PCDHGB6: variants seen among roughly 807,000 people sequenced by gnomAD.
The protein encoded by PCDHGB6 is protocadherin gamma subfamily B, 6.
PCDHGB6 carries 51 observed loss-of-function variants against 59.1 expected under a neutral mutation model. The ratio of observed to expected loss-of-function variants is 0.86; its 90% CI spans 0.69 to 1.09. The LOEUF is 1.09. PCDHGB6 is among the 50% of genes least tolerant of loss of function. The probability of loss-of-function intolerance (pLI) is 0.00; values close to 1 mark genes in which losing one functional copy is unlikely to be tolerated. For missense variants in PCDHGB6, 1,148 were observed against 1,205.1 expected, an observed-to-expected ratio of 0.95 and a Z score of 0.70; for synonymous variants, 466 against 495.1, an observed-to-expected ratio of 0.94 and a Z score of 0.78.
Position 141,490,365 on chromosome 5 carries a change from A to G in PCDHGB6, c.2419-4442A>G. The G allele has an allele frequency of 6.2e-7, 1 of 1,614,170 alleles. No individual in the cohort carries two copies. The highest frequency in any genetic ancestry group is 8.5e-7 in the Non-Finnish European group (1 of 1,180,030). On this transcript the variant is annotated intron_variant, in intron 1 of 3. Coordinates refer to ENST00000520790, the MANE Select transcript of PCDHGB6 (RefSeq NM_018926.3). The surrounding 1 kb of genome is among the most constrained non-coding windows in gnomAD (Gnocchi z 5.4). ...CAGTAGTGGGGTTGTTTAATGTGCG[A>G]GACCGGGACTCAGGTAGAAATGGTG...
Position 141,487,373 on chromosome 5 carries a change from C to T in PCDHGB6, c.2419-7434C>T. 2 of 1,614,224 alleles carry T rather than the reference C, an allele frequency of 1.2e-6. No homozygotes were observed. Among genetic ancestry groups the T allele is most frequent in the Non-Finnish European group, 1.7e-6 (2 of 1,180,042 alleles). On this transcript the variant is annotated intron_variant, in intron 1 of 3. Transcript: ENST00000520790. This position sits in a 1 kb window ranked among gnomAD's most constrained non-coding sequence, Gnocchi z 5.0. ...CTTTCCTGCTGGCACCTGTGCCTGTCTCACCAGATCTCGAAGGAGGGAGGG... is the reference window on the plus strand; with the variant it reads ...CTTTCCTGCTGGCACCTGTGCCTGTTTCACCAGATCTCGAAGGAGGGAGGG...
rs1025985501 is a variant in PCDHGB6 at position 141,432,385 on chromosome 5, C to G, written c.2418+21765C>G. 2.5e-6 allele frequency: 4 copies of G among 1,614,138 alleles called. No homozygotes were observed. In the African/African-American group the frequency reaches 5.3e-5, roughly 22 times the overall value. Reference sequence around the variant, plus strand: ...CGCGGGACAACGGGCACCCGCCCCTCAGCAGCAACGTGTCGTTGAGCCTGT... The same window carrying G: ...CGCGGGACAACGGGCACCCGCCCCTGAGCAGCAACGTGTCGTTGAGCCTGT... On this transcript the variant is annotated intron_variant, in intron 1 of 3. Transcript: ENST00000520790. The surrounding 1 kb of genome is among the most constrained non-coding windows in gnomAD (Gnocchi z 6.0).
At chr5:141,451,049 C>T (rs538627151) in intron 1 of PCDHGB6, among the ~76,000 whole-genome samples, 1 of 151,422 alleles carries the variant, frequency 6.6e-6, no homozygotes, top group African/African-American at 2.4e-5. Context: ...AGGCTGGTCT[C>T]GAACTCCTGA....
intron 1 of PCDHGB6, chr5:141,478,874 A>G: frequency 1.6e-6 from 2 of 1,276,696 alleles, no homozygotes; most frequent in Non-Finnish European, 2.1e-6. Flanking sequence ...ATCAGAGTTT[A>G]GCTTGGTATC....
rs367731612 is a variant in PCDHGB6, at chr5:141,419,406, C to T, written c.2418+8786C>T. The T allele has an allele frequency of 6.5e-5, 105 of 1,613,522 alleles. 1 individual carries two copies. The South Asian group carries it at 1.0e-3, about 16-fold the overall frequency. Reference sequence around the variant, plus strand: ...AGCGCGCAGAGCGGGGTGGTGTTCGCGCAGCGCGCCTTCGACCACGAGCAG... The same window carrying T: ...AGCGCGCAGAGCGGGGTGGTGTTCGTGCAGCGCGCCTTCGACCACGAGCAG... On this transcript the variant is annotated intron_variant, in intron 1 of 3. Transcript: ENST00000520790.
chr5:141,462,781 G>A (rs893647456), intron 1 of PCDHGB6, among the ~76,000 whole-genome samples: 7 of 152,102 alleles, frequency 4.6e-5, no homozygotes, highest in African/African-American at 1.7e-4. Context: ...GTCATAATTT[G>A]TTGCTTATTT....
At chr5:141,466,621 T>A (rs911794654) in intron 1 of PCDHGB6, among the ~76,000 whole-genome samples, 1 of 152,208 alleles carries the variant, frequency 6.6e-6, no homozygotes, top group Non-Finnish European at 1.5e-5. Context: ...GCCGTTTTCT[T>A]TGGAGCATTG....
Position 141,418,795 on chromosome 5 carries a change from A to G in PCDHGB6, c.2418+8175A>G, listed in dbSNP as rs373690093. The G allele has an allele frequency of 6.8e-6, 11 of 1,613,740 alleles. No homozygotes were observed. The African/African-American group carries it at 1.5e-4, about 22-fold the overall frequency. On this transcript the variant is annotated intron_variant, in intron 1 of 3. Transcript: ENST00000520790. Reference sequence around the variant, plus strand: ...AGCAGCCTTTGGATTTTGAAGAAGTAGAAAGATATACGATAAACATAGAAG... The same window carrying G: ...AGCAGCCTTTGGATTTTGAAGAAGTGGAAAGATATACGATAAACATAGAAG...
In PCDHGB6 at chr5:141,432,613, G is replaced by A. The variant is rs1461837957; in HGVS notation, c.2418+21993G>A. 6.2e-7 allele frequency: 1 copy of A among 1,613,946 alleles called. No homozygotes were observed. The highest frequency in any genetic ancestry group is 1.3e-5 in the African/African-American group (1 of 75,056). On this transcript the variant is annotated intron_variant, in intron 1 of 3. Coordinates refer to ENST00000520790, the MANE Select transcript of PCDHGB6 (RefSeq NM_018926.3). The surrounding 1 kb of genome is among the most constrained non-coding windows in gnomAD (Gnocchi z 6.0). ...AGGCCAGCGAGCCGGGACTCTTCTC[G>A]GTGGGTCTGCACACGGGCGAGGTGC...
chr5:141,442,348 CTG>C (rs1318031659), intron 1 of PCDHGB6: 1 of 152,378 alleles, frequency 6.6e-6, no homozygotes, highest in Non-Finnish European at 1.5e-5. Context: ...TTCTGGGTAA[CTG>C]TAGCTCTATG....
chr5:141,422,052 CG>C (rs1282698929), intron 1 of PCDHGB6: 1 of 1,611,298 alleles, frequency 6.2e-7, no homozygotes, highest in South Asian at 1.1e-5. Context: ...AGGGAATCAA[CG>C]GGGAAGTAAT....
intron 1 of PCDHGB6, chr5:141,423,881 G>A (rs2096788712): frequency 7.8e-7 from 1 of 1,281,784 alleles, no homozygotes; most frequent in Non-Finnish European, 9.9e-7. Flanking sequence ...TTCAATCTTG[G>A]CATATTTTCT....
intron 1 of PCDHGB6, chr5:141,421,633 G>C (rs1369645749): frequency 1.9e-6 from 3 of 1,613,716 alleles, no homozygotes; most frequent in Non-Finnish European, 2.5e-6. Context: ...CAGCTTCCAG[G>C]AGGACGAAGT....
In PCDHGB6 at chr5:141,505,090, A is replaced by C. The variant is rs1018571873; in HGVS notation, c.2478-303A>C. Among the ~76,000 whole-genome samples the C allele has an allele frequency of 3.9e-5, 6 of 152,188 alleles. 1 individual carries two copies. The South Asian group carries it at 1.2e-3, about 31-fold the overall frequency. ...GGCAGGAGAATCGCTTGAACCCAGG[A>C]GGTGGATGTTGCAATGAGCCAAGAT... On this transcript the variant is annotated intron_variant, in intron 2 of 3. Transcript: ENST00000520790.
intron 1 of PCDHGB6, among the ~76,000 whole-genome samples, chr5:141,446,891 C>T (rs1457416718): frequency 6.6e-6 from 1 of 152,152 alleles, no homozygotes; most frequent in South Asian, 2.1e-4. Context: ...GGGTTCATGG[C>T]TGAGCTACTT....
intron 1 of PCDHGB6, among the ~76,000 whole-genome samples, chr5:141,449,003 T>A (rs2098622649): frequency 1.3e-5 from 2 of 152,280 alleles, no homozygotes; most frequent in African/African-American, 4.8e-5. Context: ...AAAGCTGTTT[T>A]TTTTAACAGT....
chr5:141,487,304 C>T lies in PCDHGB6; in HGVS notation c.2419-7503C>T. The T allele has an allele frequency of 6.2e-7, 1 of 1,614,190 alleles. No homozygotes were observed. The highest frequency in any genetic ancestry group is 8.5e-7 in the Non-Finnish European group (1 of 1,180,042). On this transcript the variant is annotated intron_variant, in intron 1 of 3. Transcript: ENST00000520790. This position sits in a 1 kb window ranked among gnomAD's most constrained non-coding sequence, Gnocchi z 5.0. ...TGTCTCCTTTGGCTCATTCGTGGCA[C>T]TACTCTCTAAGTGTCTTCGTGGGGC...
chr5:141,494,701 C>G, intron 1 of PCDHGB6, 106 bp from the exon 2 acceptor site: 1 of 1,594,596 alleles, frequency 6.3e-7, no homozygotes, highest in Non-Finnish European at 8.6e-7. Context: ...CCGTTTTCTT[C>G]TCTGTGCCCA....
At chr5:141,506,226 G>A (rs1248069119) in intron 3 of PCDHGB6, among the ~76,000 whole-genome samples, 3 of 152,152 alleles carry the variant, frequency 2.0e-5, no homozygotes, top group Non-Finnish European at 1.5e-5. Flanking sequence ...TGAGGCAGGA[G>A]GATCATGAGG....
Sources: allele counts gnomAD v4.1 joint callset (sites outside exome capture counted in the v4.1 genomes callset), GRCh38; gene constraint gnomAD v4.1.1; non-coding constraint Gnocchi (gnomAD v3.1); transcripts MANE v1.5; gene names NCBI Gene and HGNC (gene_info 2026-07-23, HGNC 2026-07-21).